IL15: variants seen among roughly 807,000 people sequenced by gnomAD.
IL15 encodes the protein interleukin 15, also known as interleukin-15.
A neutral mutation model predicts 19.6 loss-of-function variants in IL15; 11 were observed. The ratio of observed to expected loss-of-function variants is 0.56; its 90% confidence interval spans 0.35 to 0.93. IL15 has a LOEUF of 0.93. Among genes scored for constraint, IL15 ranks in the 40% least tolerant of loss-of-function variants. The pLI, the probability that IL15 is intolerant of heterozygous loss-of-function variation, is 0.01. For synonymous variants in IL15, 58 were observed against 59.6 expected (o/e 0.97, Z 0.12); for missense variants, 197 against 186.5 (o/e 1.06, Z -0.33).
intron 2 of IL15, among the ~76,000 whole-genome samples, chr4:141,707,087 C>G (rs1393971597): frequency 1.3e-5 from 2 of 152,018 alleles, no homozygotes; most frequent in East Asian, 1.9e-4. Flanking sequence ...TGTAGGCTTT[C>G]TTCATTCTCT....
chr4:141,729,869 T>C lies in IL15; in HGVS notation c.263T>C (p.Met88Thr), dbSNP rs1730392679. 6.3e-7 allele frequency: 1 copy of C among 1,577,872 alleles called. No homozygotes were observed. ...DVHPSCKVTA[M>T]KCFLLELQVI... is the part of the protein sequence containing the mutation. ...TAGCCCAGTTGCAAAGTAACAGCAA[T>C]GAAGTGCTTTCTCTTGGAGTTACAA... Residue 88 changes from methionine to threonine, a missense_variant, in exon 7 of 8, where the codon ATG (methionine) becomes ACG (threonine). Physicochemically the swap from Met to Thr is moderately conservative, Grantham distance 81. Coordinates refer to ENST00000320650, the MANE Select transcript of IL15 (RefSeq NM_000585.5).
chr4:141,719,322 T>C, intron 2 of IL15, 44 bp from the exon 3 acceptor site: 1 of 556,984 alleles, frequency 1.8e-6, no homozygotes. Context: ...TTTCTTTTTC[T>C]TACTAGTGCA....
At chr4:141,712,248 G>A (rs1361200294) in intron 2 of IL15, among the ~76,000 whole-genome samples, 1 of 152,040 alleles carries the variant, frequency 6.6e-6, no homozygotes, top group Non-Finnish European at 1.5e-5. Context: ...CTTCACCTTA[G>A]TGAGTGTTTG....
chr4:141,705,577 G>A (rs1018045216), intron 2 of IL15, among the ~76,000 whole-genome samples: 4 of 151,928 alleles, frequency 2.6e-5, no homozygotes, highest in East Asian at 1.9e-4. Context: ...TTCTATAAAT[G>A]TCTGTTAGGG....
At chr4:141,682,723 G>C (rs1728572844) in intron 2 of IL15, among the ~76,000 whole-genome samples, 1 of 152,110 alleles carries the variant, frequency 6.6e-6, no homozygotes, top group African/African-American at 2.4e-5. Flanking sequence ...GGGGGAGGCC[G>C]AGGCGGGTGG....
intron 2 of IL15, among the ~76,000 whole-genome samples, chr4:141,676,661 GC>G (rs1443972006): frequency 6.6e-6 from 1 of 152,082 alleles, no homozygotes; most frequent in African/African-American, 2.4e-5. Flanking sequence ...AAGGCCATTA[GC>G]CCAAAGCAAT....
In IL15 at chr4:141,654,541, T is replaced by C. The variant is rs936987903; in HGVS notation, c.-221-1645T>C. ...ATATGGATGCTGAGCTGAAAGTTCT[T>C]TAGAGTTTATAACATTCTTTGCATC... On this transcript the variant is annotated intron_variant, in intron 1 of 7. Transcript: ENST00000320650. Among the ~76,000 whole-genome samples, 21 of 152,300 alleles carry C rather than the reference T, an allele frequency of 1.4e-4. No homozygotes were observed. The East Asian group carries it at 3.7e-3, about 27-fold the overall frequency.
intron 2 of IL15, among the ~76,000 whole-genome samples, chr4:141,682,460 A>G (rs778576784): frequency 2.6e-5 from 4 of 152,238 alleles, no homozygotes; most frequent in Non-Finnish European, 5.9e-5. Flanking sequence ...TACTAGCTAG[A>G]ATATATCTGT....
intron 2 of IL15, among the ~76,000 whole-genome samples, chr4:141,656,886 CTG>C (rs1727624376): frequency 6.6e-6 from 1 of 152,038 alleles, no homozygotes; most frequent in Non-Finnish European, 1.5e-5. Context: ...TTTTAAATGA[CTG>C]AGTCTTTTAA....
At chr4:141,664,718 C>A (rs1402242859) in intron 2 of IL15, among the ~76,000 whole-genome samples, 2 of 152,100 alleles carry the variant, frequency 1.3e-5, no homozygotes, top group Non-Finnish European at 2.9e-5. Context: ...AAGAAACTTT[C>A]AAGGAAGCAC....
intron 1 of IL15, among the ~76,000 whole-genome samples, chr4:141,641,858 G>A (rs1258162616): frequency 6.7e-6 from 1 of 150,016 alleles, no homozygotes; most frequent in Non-Finnish European, 1.5e-5. Flanking sequence ...AAAAAAAGCC[G>A]CAATGTGGTT....
intron 2 of IL15, among the ~76,000 whole-genome samples, chr4:141,658,288 A>C (rs1007478479): frequency 2.0e-5 from 3 of 152,156 alleles, no homozygotes; most frequent in African/African-American, 7.2e-5. Context: ...TGCTTCCTGT[A>C]TAACCTGCAG....
chr4:141,649,182 A>G (rs1727326258), intron 1 of IL15, among the ~76,000 whole-genome samples: 1 of 152,074 alleles, frequency 6.6e-6, no homozygotes, highest in Non-Finnish European at 1.5e-5. Context: ...CCTGGTCCAG[A>G]AATCTCAGTC....
In IL15 at chr4:141,647,416, G is replaced by T. The variant is rs557114784; in HGVS notation, c.-221-8770G>T. ...AAGTACTGGATTGAAGATTGGATAAGCTATTTGTACAAGATTTGGGTTTGT... is the reference window on the plus strand; with the variant it reads ...AAGTACTGGATTGAAGATTGGATAATCTATTTGTACAAGATTTGGGTTTGT... On this transcript the variant is annotated intron_variant, in intron 1 of 7. Coordinates refer to ENST00000320650, the MANE Select transcript of IL15 (RefSeq NM_000585.5). 1.4e-4 allele frequency among the ~76,000 whole-genome samples: 21 copies of T among 152,114 alleles called. No individual in the cohort carries two copies. In the South Asian group the frequency reaches 4.3e-3, roughly 32 times the overall value.
intron 5 of IL15, among the ~76,000 whole-genome samples, chr4:141,724,518 A>T (rs1476916690): frequency 6.6e-6 from 1 of 152,066 alleles, no homozygotes; most frequent in African/African-American, 2.4e-5. Context: ...AGAAAAAATT[A>T]ATGAAACATA....
At chr4:141,649,019 G>T (rs1331559380) in intron 1 of IL15, among the ~76,000 whole-genome samples, 1 of 152,102 alleles carries the variant, frequency 6.6e-6, no homozygotes, top group Non-Finnish European at 1.5e-5. Flanking sequence ...ATTATTGTTT[G>T]CATGTAAACA....
chr4:141,702,051 A>G lies in IL15; in HGVS notation c.-99-17315A>G, dbSNP rs1729339548. Among the ~76,000 whole-genome samples the G allele has an allele frequency of 3.9e-5, 6 of 152,174 alleles. No homozygotes were observed. The South Asian group carries it at 1.2e-3, about 32-fold the overall frequency. On this transcript the variant is annotated intron_variant, in intron 2 of 7. Coordinates refer to ENST00000320650, the MANE Select transcript of IL15 (RefSeq NM_000585.5). ...ACTCCAGTTGTGTCCGCAGTGATGT[A>G]CCAGGGTTGAACAAGGATCTCTTCT...
chr4:141,641,608 G>A (rs969680784), intron 1 of IL15, among the ~76,000 whole-genome samples: 35 of 146,872 alleles, frequency 2.4e-4, no homozygotes, highest in Middle Eastern at 3.5e-3. Flanking sequence ...ACCAAACACC[G>A]CATGTTCTCA....
At chr4:141,721,634 GCTT>G (rs1730085119) in intron 4 of IL15, 2 of 520,848 alleles carry the variant, frequency 3.8e-6, no homozygotes, top group African/African-American at 3.9e-5. Flanking sequence ...ATCTGGCACT[GCTT>G]CTATTTCATT....
Sources: allele counts gnomAD v4.1 joint callset (sites outside exome capture counted in the v4.1 genomes callset), GRCh38; gene constraint gnomAD v4.1.1; transcripts MANE v1.5; gene names NCBI Gene and HGNC (gene_info 2026-07-23, HGNC 2026-07-21).